The following CCDC88C variants were observed in gnomAD, a reference collection of about 807,000 sequenced individuals.
CCDC88C encodes the protein protein Daple.
CCDC88C carries 131 observed loss-of-function variants against 198.8 expected under a neutral mutation model. The observed-to-expected ratio is 0.66, with a 90% CI of 0.57 to 0.76. The LOEUF (loss-of-function observed/expected upper bound fraction) is 0.76, where lower values mean the gene tolerates loss of function less well. Among genes scored for constraint, CCDC88C ranks in the 30% least tolerant of loss-of-function variants. The probability of loss-of-function intolerance (pLI) is 0.00; values close to 1 mark genes in which losing one functional copy is unlikely to be tolerated. For synonymous variants in CCDC88C, 1,166 were observed against 1,114.7 expected (o/e 1.05, Z -0.92); for missense variants, 2,553 against 2,631.6 (o/e 0.97, Z 0.65).
chr14:91,311,313 G>C (rs1165107175), intron 15 of CCDC88C, among the ~76,000 whole-genome samples: 1 of 152,236 alleles, frequency 6.6e-6, no homozygotes, highest in African/African-American at 2.4e-5. Flanking sequence ...CACAGCACAT[G>C]GAATTGCCTG....
rs981871441 is a variant in CCDC88C, at chr14:91,288,399, A to G, written c.4441+706T>C. Among the ~76,000 whole-genome samples the G allele has an allele frequency of 2.6e-5, 4 of 152,088 alleles. No homozygotes were observed. Among genetic ancestry groups the G allele is most frequent in the African/African-American group, 9.7e-5 (4 of 41,404 alleles). Reference sequence around the variant, plus strand: ...CTTTCAAAGTGGTAACAGATAAACCACCCAAGGCTTTCGGGAGGTCTTATA... The same window carrying G: ...CTTTCAAAGTGGTAACAGATAAACCGCCCAAGGCTTTCGGGAGGTCTTATA... On this transcript the variant is annotated intron_variant, in intron 25 of 29. Transcript: ENST00000389857. The surrounding 1 kb of genome is among the most constrained non-coding windows in gnomAD (Gnocchi z 4.2).
intron 2 of CCDC88C, among the ~76,000 whole-genome samples, chr14:91,410,057 G>A (rs1886717673): frequency 6.6e-6 from 1 of 152,180 alleles, no homozygotes; most frequent in Non-Finnish European, 1.5e-5. Context: ...GGCAAAAGTT[G>A]GGTCTGGCTG....
At position 91,314,125 on chromosome 14, in the gene CCDC88C, T is replaced by C; in HGVS notation, c.1691A>G (p.Asp564Gly). The C allele has an allele frequency of 6.2e-7, 1 of 1,612,132 alleles. No individual in the cohort carries two copies. Among genetic ancestry groups the C allele is most frequent in the Non-Finnish European group, 8.5e-7 (1 of 1,179,262 alleles). The part of the protein sequence containing the change: ...RQIKDLEQEK[D>G]HLNRAMWSLR... ...CGACCACATGGCTCGGTTGAGGTGG[T>C]CCTTTTCCTGCTCAAGGTCCTTGAT... Residue 564 changes from aspartate to glycine, a missense_variant, in exon 15 of 30, where the codon GAC becomes GGC. Physicochemically the swap from Asp to Gly is moderately conservative, Grantham distance 94. Transcript: ENST00000389857.
intron 3 of CCDC88C, among the ~76,000 whole-genome samples, chr14:91,373,778 A>G (rs966822481): frequency 6.6e-6 from 1 of 152,228 alleles, no homozygotes; most frequent in African/African-American, 2.4e-5. Context: ...GATGTTATCA[A>G]CTTTGCAGCA....
rs567602889 is a variant in CCDC88C, at chr14:91,313,883, C to T, written c.1933G>A (p.Gly645Arg). ...RELQRLQEEN[G>R]RLARKVTSLE... is the part of the protein sequence containing the mutation. The stretch of plus-strand genomic sequence containing the variant: ...GAGGTCACCTTCCTGGCCAGCCTCC[C>T]GTTCTCCTCCTGGAGTCGCTGTAGC... Residue 645 changes from glycine to arginine, a missense_variant, in exon 15 of 30, where the codon GGG (glycine) becomes AGG (arginine). Physicochemically the swap from Gly to Arg is moderately radical, Grantham distance 125. Around this residue, in one of 2 missense-constraint regions of CCDC88C, gnomAD observed 1,260 missense variants for 1,412.0 expected, o/e 0.89. Transcript: ENST00000389857. This position sits in a 1 kb window ranked among gnomAD's most constrained non-coding sequence, Gnocchi z 5.2. 5.6e-6 allele frequency: 9 copies of T among 1,608,678 alleles called. No homozygotes were observed. The highest frequency in any genetic ancestry group is 4.0e-5 in the African/African-American group (3 of 74,888).
At chr14:91,379,702 T>C in intron 3 of CCDC88C, 1 of 626,828 alleles carries the variant, frequency 1.6e-6, no homozygotes, top group South Asian at 1.9e-5. Flanking sequence ...TCAGTGCCAC[T>C]CCCAGAAGAG....
chr14:91,330,348 T>TG (rs1169602935), intron 10 of CCDC88C, among the ~76,000 whole-genome samples: 1 of 152,068 alleles, frequency 6.6e-6, no homozygotes, highest in African/African-American at 2.4e-5. Context: ...CCAGGAGTCC[T>TG]GGGGGAGCTG....
intron 3 of CCDC88C, among the ~76,000 whole-genome samples, chr14:91,398,978 G>A (rs1886013102): frequency 6.6e-6 from 1 of 152,168 alleles, no homozygotes; most frequent in African/African-American, 2.4e-5. Context: ...TGGGCCTCGG[G>A]CAGCCCTGTG....
At chr14:91,383,360 C>T (rs748919148) in intron 3 of CCDC88C, among the ~76,000 whole-genome samples, 2 of 152,206 alleles carry the variant, frequency 1.3e-5, no homozygotes, top group Non-Finnish European at 2.9e-5. Context: ...ATGAACAGAA[C>T]CCCCAAGAAA....
intron 4 of CCDC88C, among the ~76,000 whole-genome samples, chr14:91,353,128 C>T (rs1677124830): frequency 6.6e-6 from 1 of 152,214 alleles, no homozygotes; most frequent in East Asian, 1.9e-4. Context: ...TTCAGGAGGT[C>T]TGTTTCCTCT....
In CCDC88C at chr14:91,308,757, C is replaced by T. The variant is rs185840435; in HGVS notation, c.2865-265G>A. On this transcript the variant is annotated intron_variant, in intron 16 of 29. Coordinates refer to ENST00000389857, the MANE Select transcript of CCDC88C (RefSeq NM_001080414.4). ...CTGTCTGAGGCAGGAATTATTATTG[C>T]CATTTTACCGAAGGGGAAACTGAGT... Among the ~76,000 whole-genome samples the T allele has an allele frequency of 1.6e-3, 251 of 152,292 alleles. 1 individual carries two copies. Among genetic ancestry groups the T allele is most frequent in the African/African-American group, 5.8e-3 (241 of 41,562 alleles).
At chr14:91,346,283 C>T (rs1893544475) in intron 4 of CCDC88C, among the ~76,000 whole-genome samples, 1 of 152,184 alleles carries the variant, frequency 6.6e-6, no homozygotes, top group Non-Finnish European at 1.5e-5. Context: ...ACACACCCCG[C>T]CCCCCAGCCT....
intron 10 of CCDC88C, among the ~76,000 whole-genome samples, chr14:91,328,204 G>C (rs981296525): frequency 6.6e-6 from 1 of 152,224 alleles, no homozygotes. Flanking sequence ...GTGGGAGATG[G>C]CATGGAACAG....
rs1368355673 is a variant in CCDC88C, at chr14:91,272,968, G to A, written c.5744C>T (p.Ala1915Val). 6.4e-7 allele frequency: 1 copy of A among 1,557,148 alleles called. No individual in the cohort carries two copies. The highest frequency in any genetic ancestry group is 1.4e-5 in the African/African-American group (1 of 73,928). Reference sequence around the variant, plus strand: ...GTTGCTGCCACTGCCAGCAGCAGCAGCACCAGCACCTGCAGTGGCAATGGC... The same window carrying A: ...GTTGCTGCCACTGCCAGCAGCAGCAACACCAGCACCTGCAGTGGCAATGGC... ...APAIATAGAG[A>V]AAAGSGSNSQ... Residue 1915 changes from alanine (A) to valine (V), a missense_variant, in exon 30 of 30, where the codon GCT becomes GTT. By Grantham distance (64) the Ala-to-Val change is moderately conservative. Around this residue, in one of 2 missense-constraint regions of CCDC88C, gnomAD observed 1,293 missense variants for 1,219.6 expected, o/e 1.06. Transcript: ENST00000389857.
Position 91,272,265 on chromosome 14 carries a change from G to T in CCDC88C, c.*360C>A. ...TTGTGTGAGTGTGTGTGTGCTTAAC[G>T]GAGCTCAACACATTGCAAATGAGTG... On this transcript the variant is annotated 3_prime_UTR_variant, in exon 30 of 30. Transcript: ENST00000389857. 4.4e-6 allele frequency: 1 copy of T among 228,240 alleles called. No individual in the cohort carries two copies. The highest frequency in any genetic ancestry group is 8.7e-6 in the Non-Finnish European group (1 of 114,454). 14.1% of individuals were successfully genotyped at this position (228,240 alleles called of 1,614,324 possible).
rs565964505 is a variant in CCDC88C, at chr14:91,295,033, C to T, written c.3967-715G>A. 6.7e-4 allele frequency among the ~76,000 whole-genome samples: 102 copies of T among 152,138 alleles called. 1 individual carries two copies. The South Asian group carries it at 0.012, about 18-fold the overall frequency. On this transcript the variant is annotated intron_variant, in intron 22 of 29. Transcript: ENST00000389857. ...ATCACAGGCTTTGGATTCCAATACGCGACTATGAGAAAGGAGGATGGGCTC... is the reference window on the plus strand; with the variant it reads ...ATCACAGGCTTTGGATTCCAATACGTGACTATGAGAAAGGAGGATGGGCTC...
chr14:91,318,326 G>A (rs1205647739), intron 13 of CCDC88C, among the ~76,000 whole-genome samples: 1 of 152,108 alleles, frequency 6.6e-6, no homozygotes, highest in Admixed American at 6.5e-5. Context: ...TGATGTGGGA[G>A]GATTACTTGA....
intron 12 of CCDC88C, among the ~76,000 whole-genome samples, chr14:91,324,122 G>A (rs1171947766): frequency 1.3e-5 from 2 of 152,250 alleles, no homozygotes; most frequent in Non-Finnish European, 2.9e-5. Flanking sequence ...ACAGGAACTG[G>A]CTCATTGTTT....
intron 29 of CCDC88C, among the ~76,000 whole-genome samples, chr14:91,276,469 CACAGCACATGCAGGCA>C (rs570721122): frequency 6.6e-6 from 1 of 152,388 alleles, no homozygotes; most frequent in African/African-American, 2.4e-5. Context: ...CAAGGCTGGG[CACAGCACATGCAGGCA>C]AAGAAAACCT....
Sources: allele counts gnomAD v4.1 joint callset (sites outside exome capture counted in the v4.1 genomes callset), GRCh38; gene constraint gnomAD v4.1.1; regional missense constraint gnomAD v4.1.1; non-coding constraint Gnocchi (gnomAD v3.1); transcripts MANE v1.5; gene names NCBI Gene and HGNC (gene_info 2026-07-23, HGNC 2026-07-21).